AGBL4: variants seen among roughly 807,000 people sequenced by gnomAD.
AGBL4 encodes AGBL carboxypeptidase 4.
AGBL4 carries 58 observed loss-of-function variants against 66.4 expected under a neutral mutation model. The ratio of observed to expected loss-of-function variants is 0.87; its 90% confidence interval spans 0.71 to 1.09. AGBL4 has a LOEUF of 1.09. AGBL4 is among the 50% of genes least tolerant of loss of function. AGBL4 has a pLI of 0.00. For synonymous variants in AGBL4, 234 were observed against 222.9 expected, an observed-to-expected ratio of 1.05 and a Z score of -0.44; for missense variants, 579 against 631.0, an observed-to-expected ratio of 0.92 and a Z score of 0.88.
intron 1 of AGBL4, among the ~76,000 whole-genome samples, chr1:49,933,338 T>C (rs77040723): frequency 0.023 from 3,509 of 151,998 alleles, 107 homozygotes; most frequent in African/African-American, 0.08. Context: ...AATGAAGAGA[T>C]AGAGGTTCCC....
At chr1:48,541,713 G>C (rs1019960575) in intron 11 of AGBL4, among the ~76,000 whole-genome samples, 3 of 152,154 alleles carry the variant, frequency 2.0e-5, no homozygotes, top group Non-Finnish European at 4.4e-5. Context: ...AGGTTGCAGT[G>C]AGCCAGGATC....
chr1:48,938,358 G>A (rs1655655943), intron 5 of AGBL4, among the ~76,000 whole-genome samples: 1 of 152,140 alleles, frequency 6.6e-6, no homozygotes, highest in Non-Finnish European at 1.5e-5. Context: ...ATACCCTAAT[G>A]AAAGAGACAG....
chr1:49,011,680 A>T (rs866635456), intron 5 of AGBL4, among the ~76,000 whole-genome samples: 38 of 152,274 alleles, frequency 2.5e-4, no homozygotes, highest in Middle Eastern at 3.4e-3. Flanking sequence ...GCACATGTAC[A>T]CCATCGAATC....
intron 3 of AGBL4, among the ~76,000 whole-genome samples, chr1:49,697,006 A>T (rs1300239601): frequency 6.6e-6 from 1 of 152,176 alleles, no homozygotes; most frequent in African/African-American, 2.4e-5. Flanking sequence ...TAAACATAAT[A>T]GCAAGTCTCT....
rs371280734 is a variant in AGBL4, at chr1:49,144,277, A to G, written c.378-98477T>C. ...GTTAGAACTCTGCAAAAGACAGAAG[A>G]GATGGCCTGAGGGGCTATGTTGGAG... is the stretch of plus-strand genomic sequence containing the variant. On this transcript the variant is annotated intron_variant, in intron 4 of 13. Transcript: ENST00000371839. Among the ~76,000 whole-genome samples the G allele has an allele frequency of 3.4e-4, 52 of 152,240 alleles. 1 individual carries two copies. The South Asian group carries it at 9.5e-3, about 28-fold the overall frequency.
intron 8 of AGBL4, among the ~76,000 whole-genome samples, chr1:48,650,193 A>C (rs1454961014): frequency 1.3e-5 from 2 of 152,206 alleles, no homozygotes; most frequent in Non-Finnish European, 2.9e-5. Flanking sequence ...GACTGCAGAG[A>C]GGAGCAGGGC....
chr1:49,479,040 C>G (rs1162047527), intron 3 of AGBL4, among the ~76,000 whole-genome samples: 4 of 151,774 alleles, frequency 2.6e-5, no homozygotes, highest in Non-Finnish European at 5.9e-5. Context: ...AAATCATACT[C>G]ACTGAAAGGA....
intron 6 of AGBL4, among the ~76,000 whole-genome samples, chr1:48,703,386 C>T (rs1405129157): frequency 6.6e-6 from 1 of 151,938 alleles, no homozygotes; most frequent in Non-Finnish European, 1.5e-5. Context: ...CAAATTTGAG[C>T]AATTCTCAAC....
At chr1:49,342,563 A>G (rs536150514) in intron 3 of AGBL4, among the ~76,000 whole-genome samples, 2 of 152,280 alleles carry the variant, frequency 1.3e-5, no homozygotes, top group South Asian at 4.1e-4. Flanking sequence ...TTCATGTCAC[A>G]GTTAAGGCCT....
chr1:49,920,103 G>A (rs1325666024), intron 1 of AGBL4, among the ~76,000 whole-genome samples: 1 of 152,194 alleles, frequency 6.6e-6, no homozygotes, highest in African/African-American at 2.4e-5. Flanking sequence ...ATGGATTAAA[G>A]ACTTACATGT....
At chr1:48,888,090 G>A (rs2148851951) in intron 5 of AGBL4, among the ~76,000 whole-genome samples, 1 of 152,240 alleles carries the variant, frequency 6.6e-6, no homozygotes, top group Non-Finnish European at 1.5e-5. Context: ...TCTAGCATCA[G>A]AACCAAATTT....
At chr1:48,923,493 A>T (rs1181841572) in intron 5 of AGBL4, among the ~76,000 whole-genome samples, 2 of 152,222 alleles carry the variant, frequency 1.3e-5, no homozygotes, top group African/African-American at 4.8e-5. Flanking sequence ...GCTGATTTGG[A>T]GGAAGTGCAC....
chr1:48,810,265 C>T (rs1032036649), intron 6 of AGBL4, among the ~76,000 whole-genome samples: 3 of 152,206 alleles, frequency 2.0e-5, no homozygotes. Flanking sequence ...GTAGCCTCCA[C>T]TGTTGACAGT....
At chr1:48,869,747 A>C (rs922670508) in intron 5 of AGBL4, among the ~76,000 whole-genome samples, 5 of 150,864 alleles carry the variant, frequency 3.3e-5, no homozygotes, top group African/African-American at 1.2e-4. Flanking sequence ...ACTCCCTGAG[A>C]ACCTGTAGCC....
At chr1:48,964,545 A>G (rs17376799) in intron 5 of AGBL4, among the ~76,000 whole-genome samples, 11,766 of 152,272 alleles carry the variant, frequency 0.077, 592 homozygotes, top group Non-Finnish European at 0.1. Context: ...CAAGTACTTT[A>G]TGCAAATCTT....
At chr1:49,517,492 T>C (rs1470184223) in intron 3 of AGBL4, among the ~76,000 whole-genome samples, 1 of 151,914 alleles carries the variant, frequency 6.6e-6, no homozygotes, top group Non-Finnish European at 1.5e-5. Flanking sequence ...GACAGAAGAA[T>C]GAGGGTCAGA....
At chr1:49,936,107 T>C (rs1217382097) in intron 1 of AGBL4, among the ~76,000 whole-genome samples, 8 of 152,134 alleles carry the variant, frequency 5.3e-5, no homozygotes, top group African/African-American at 1.9e-4. Context: ...TAGATGAATG[T>C]ATAACTAGAA....
At chr1:49,849,417 AT>A (rs879730028) in intron 2 of AGBL4, among the ~76,000 whole-genome samples, 15 of 129,408 alleles carry the variant, frequency 1.2e-4, no homozygotes, top group South Asian at 2.5e-4. Context: ...TATTATTATT[AT>A]TATTATTATT....
chr1:49,919,706 A>G (rs1452746842), intron 1 of AGBL4, among the ~76,000 whole-genome samples: 2 of 152,092 alleles, frequency 1.3e-5, no homozygotes, highest in Non-Finnish European at 2.9e-5. Context: ...TCAAGCTACC[A>G]ATGACTTTCT....
Sources: gnomAD v4.1 joint callset for allele counts (sites outside exome capture counted in the v4.1 genomes callset) on GRCh38, gnomAD v4.1.1 for gene constraint, MANE v1.5 for transcripts, NCBI Gene and HGNC (gene_info 2026-07-23, HGNC 2026-07-21) for gene names.